RPS13: variants seen among roughly 807,000 people sequenced by gnomAD.
RPS13 encodes the protein small ribosomal subunit protein uS15.
Under a neutral mutation model 24.6 loss-of-function variants are expected in RPS13, and 1 was observed. The observed-to-expected ratio is 0.04, with a 90% confidence interval of 0.01 to 0.19. The LOEUF is 0.19. Ranked by LOEUF, RPS13 falls within the 10% of genes least tolerant of loss-of-function variation. The pLI, the probability that RPS13 is intolerant of heterozygous loss-of-function variation, is 1.00. For missense variants in RPS13, 88 were observed against 187.4 expected, an observed-to-expected ratio of 0.47 and a Z score of 3.10; for synonymous variants, 69 against 65.3, an observed-to-expected ratio of 1.06 and a Z score of -0.27.
intron 5 of RPS13, chr11:17,074,715 C>A (rs1042019396): frequency 2.9e-6 from 2 of 684,556 alleles, no homozygotes; most frequent in East Asian, 2.8e-5. Context: ...GTGGAAACTG[C>A]GAATGTCTGG....
chr11:17,075,887 G>A (rs1324114121), intron 3 of RPS13: 4 of 584,120 alleles, frequency 6.8e-6, no homozygotes, highest in African/African-American at 1.8e-5. Flanking sequence ...GAATACAGAT[G>A]ACCAAAGGGA....
intron 5 of RPS13, 51 bp from the exon 6 acceptor site, chr11:17,074,517 C>G: frequency 7.6e-7 from 1 of 1,322,104 alleles, no homozygotes; most frequent in South Asian, 1.2e-5. Context: ...ATACTAGTCC[C>G]TCCACATTCA....
In RPS13 at chr11:17,075,131, T is replaced by G. The variant is rs1232516705; in HGVS notation, c.388A>C (p.Lys130Gln). ...TTGGGAGGGAGGACTCGCTTGGTCTTATAATATCGAGCCAAACGGTGAATC... is the reference window on the plus strand; with the variant it reads ...TTGGGAGGGAGGACTCGCTTGGTCTGATAATATCGAGCCAAACGGTGAATC... ...SRIHRLARYY[K>Q]TKRVLPPNWK... is the part of the protein sequence containing the mutation. Residue 130 changes from lysine (K) to glutamine (Q), a missense_variant, in exon 5 of 6, where the codon AAG becomes CAG. By Grantham distance (53) the Lys-to-Gln change is moderately conservative. Transcript: ENST00000525634. The G allele has an allele frequency of 6.2e-7, 1 of 1,611,888 alleles. No individual in the cohort carries two copies. Among genetic ancestry groups the G allele is most frequent in the East Asian group, 2.2e-5 (1 of 44,882 alleles).
chr11:17,076,544 A>G (rs2137238376), intron 3 of RPS13: 3 of 398,746 alleles, frequency 7.5e-6, no homozygotes, highest in East Asian at 8.3e-5. Context: ...CGACAAGAGC[A>G]AGACTGTCTC....
rs764315611 is a variant in RPS13, at chr11:17,075,094, T to TA, written c.422+2dup. 1.2e-5 allele frequency: 19 copies of TA among 1,585,656 alleles called. No homozygotes were observed. The highest frequency in any genetic ancestry group is 8.1e-5 in the African/African-American group (6 of 74,044). ...TAACAACGACAAAAGAGTTGATACT[T>TA]ACTATTTCCAATTGGGAGGGAGGAC... is the stretch of plus-strand genomic sequence containing the variant. On this transcript the variant is annotated splice_region_variant and intron_variant, in intron 5 of 5. Coordinates refer to ENST00000525634, the MANE Select transcript of RPS13 (RefSeq NM_001017.3).
At chr11:17,076,725 C>T (rs1848030460) in intron 3 of RPS13, 1 of 315,118 alleles carries the variant, frequency 3.2e-6, no homozygotes, top group Non-Finnish European at 6.2e-6. Flanking sequence ...GCGGGGGAGT[C>T]GGAGAGTAGT....
At chr11:17,077,143 G>A (rs778540045) in intron 3 of RPS13, 25 bp downstream of exon 3, 14 of 1,560,056 alleles carry the variant, frequency 9.0e-6, no homozygotes, top group Non-Finnish European at 1.2e-5. Context: ...AGGCGAAATA[G>A]GCTATGTTAG....
At chr11:17,076,973 G>A (rs923183203) in intron 3 of RPS13, 195 bp downstream of exon 3, 6 of 580,388 alleles carry the variant, frequency 1.0e-5, no homozygotes, top group Non-Finnish European at 1.9e-5. Context: ...TGGGGTGAAA[G>A]CCATGAAGAT....
rs74416259 is a variant in RPS13, at chr11:17,077,484, A to G, written c.24-7T>C. 2.3e-3 allele frequency: 3,664 copies of G among 1,613,924 alleles called. 13 individuals are homozygous for G. Among genetic ancestry groups the G allele is most frequent in the Middle Eastern group, 5.9e-3 (36 of 6,058 alleles). ...CGACTGGGACAGGCCCTTCCTGGGG[A>G]GAGAAGCAGTCTCGAGGTGAGGTGG... On this transcript the variant is annotated splice_region_variant and splice_polypyrimidine_tract_variant and intron_variant, in intron 1 of 5. Transcript: ENST00000525634.
chr11:17,077,397 C>T, intron 2 of RPS13, 32 bp downstream of exon 2: 1 of 1,598,810 alleles, frequency 6.3e-7, no homozygotes, highest in Non-Finnish European at 8.6e-7. Context: ...ACCCCCTCCC[C>T]GGATTCTCCC....
chr11:17,077,575 T>G, intron 1 of RPS13, 44 bp downstream of exon 1: 13 of 459,762 alleles, frequency 2.8e-5, no homozygotes, highest in Non-Finnish European at 5.3e-5. Flanking sequence ...CCTGTCTTCC[T>G]CCCACCCCCC....
chr11:17,075,176 G>T lies in RPS13; in HGVS notation c.343C>A (p.Leu115Met). The change falls in exon 5 of 6, where the codon CTG becomes ATG. Residue 115 changes from leucine to methionine, a missense_variant. Transcript: ENST00000525634. Reference protein sequence around the residue: ...NRKDKDAKFRLILIESRIHRL... With the variant: ...NRKDKDAKFRMILIESRIHRL... ...TGAATCCGGCTCTCTATTAGAATCAGACGGAATTTAGCATCCTTATCCTAA... is the reference window on the plus strand; with the variant it reads ...TGAATCCGGCTCTCTATTAGAATCATACGGAATTTAGCATCCTTATCCTAA... 1 of 1,604,278 alleles carries T rather than the reference G, an allele frequency of 6.2e-7. No individual in the cohort carries two copies.
Position 17,074,468 on chromosome 11 carries a change from T to C in RPS13, c.423-2A>G, listed in dbSNP as rs1249373232. 6.2e-7 allele frequency: 1 copy of C among 1,609,822 alleles called. No homozygotes were observed. Among genetic ancestry groups the C allele is most frequent in the Non-Finnish European group, 8.5e-7 (1 of 1,177,122 alleles). ...AGGGCAGAGGCTGTAGATGATTCAC[T>C]GAAAAAGAAAAAAGGGGAAAGAAAG... On this transcript the variant is annotated splice_acceptor_variant, in intron 5 of 5. Coordinates refer to ENST00000525634, the MANE Select transcript of RPS13 (RefSeq NM_001017.3). LOFTEE classifies it high-confidence loss of function.
At chr11:17,075,032 A>G (rs931353986) in intron 5 of RPS13, 65 bp downstream of exon 5, 7 of 1,087,020 alleles carry the variant, frequency 6.4e-6, no homozygotes, top group South Asian at 1.4e-5. Context: ...CATATTTACT[A>G]CTAGGACTTT....
chr11:17,077,012 A>G, intron 3 of RPS13, 156 bp downstream of exon 3: 1 of 645,840 alleles, frequency 1.5e-6, no homozygotes, highest in Non-Finnish European at 2.8e-6. Context: ...GTCAGAATTA[A>G]ACGAAATCAG....
At chr11:17,074,977 A>G in intron 5 of RPS13, 120 bp downstream of exon 5, 1 of 697,224 alleles carries the variant, frequency 1.4e-6, no homozygotes, top group Non-Finnish European at 2.5e-6. Context: ...TTAACAAAAT[A>G]GCCCCCAAGG....
intron 5 of RPS13, 61 bp downstream of exon 5, chr11:17,075,036 G>A (rs1848005652): frequency 4.4e-6 from 5 of 1,125,136 alleles, no homozygotes; most frequent in South Asian, 4.0e-5. Context: ...TTTACTACTA[G>A]GACTTTTACT....
intron 3 of RPS13, chr11:17,075,832 G>A (rs751426126): frequency 3.0e-6 from 2 of 663,826 alleles, no homozygotes; most frequent in South Asian, 3.0e-5. Flanking sequence ...CCTTTCTGGT[G>A]GAAACTGCGA....
Position 17,074,712 on chromosome 11 carries a change from C to T in RPS13, c.423-246G>A, listed in dbSNP as rs191452340. The T allele has an allele frequency of 1.6e-4, 113 of 688,018 alleles. No individual in the cohort carries two copies. The African/African-American group carries it at 1.9e-3, about 12-fold the overall frequency. The allele number at this position is 688,018 out of a possible 1,614,324, so 42.6% of individuals were successfully genotyped here. On this transcript the variant is annotated intron_variant, in intron 5 of 5. Transcript: ENST00000525634. ...TAAGGAAAAACATTTCTGGTGGAAA[C>T]TGCGAATGTCTGGCAACCAATCATC...
Sources: allele counts gnomAD v4.1 joint callset, GRCh38; gene constraint gnomAD v4.1.1; transcripts MANE v1.5; gene names NCBI Gene and HGNC (gene_info 2026-07-23, HGNC 2026-07-21).